Variants in IL1RAPL2 observed in about 807,000 individuals in gnomAD.
IL1RAPL2 encodes the protein X-linked interleukin-1 receptor accessory protein-like 2.
Under a neutral mutation model 44.1 loss-of-function variants are expected in IL1RAPL2, and 3 were observed. That is an observed-to-expected ratio of 0.07 (90% CI 0.03 to 0.18). IL1RAPL2 has a LOEUF of 0.18. Ranked by LOEUF, IL1RAPL2 falls within the 10% of genes least tolerant of loss-of-function variation. The probability of loss-of-function intolerance (pLI) is 1.00; values close to 1 mark genes in which losing one functional copy is unlikely to be tolerated. For missense variants in IL1RAPL2, 391 were observed against 496.4 expected (o/e 0.79, Z 2.02); for synonymous variants, 181 against 178.8 (o/e 1.01, Z -0.10).
chrX:105,407,715 A>C (rs1176320692), intron 5 of IL1RAPL2, among the ~76,000 whole-genome samples: 2 of 111,865 alleles, frequency 1.8e-5, no homozygotes, highest in Non-Finnish European at 3.8e-5. Context: ...AAAGAAAGAC[A>C]TCGTTGTACT....
At chrX:105,094,458 T>C (rs1393372454) in intron 2 of IL1RAPL2, among the ~76,000 whole-genome samples, 4 of 111,336 alleles carry the variant, frequency 3.6e-5, no homozygotes, top group Non-Finnish European at 7.5e-5. Flanking sequence ...CCTTGAGTAA[T>C]AGTGGCACCA....
intron 4 of IL1RAPL2, among the ~76,000 whole-genome samples, chrX:105,252,057 T>C (rs1603032925): frequency 9.0e-6 from 1 of 111,437 alleles, no homozygotes; most frequent in Middle Eastern, 4.6e-3. Context: ...GTTCTGTCAC[T>C]CCAAGTTCTT....
intron 5 of IL1RAPL2, among the ~76,000 whole-genome samples, chrX:105,302,469 G>A (rs1603054260): frequency 8.9e-6 from 1 of 111,844 alleles, no homozygotes; most frequent in East Asian, 2.8e-4. Context: ...GATGAATCCT[G>A]CCAGGACTTG....
At chrX:105,240,281 G>C (rs7876696) in intron 4 of IL1RAPL2, among the ~76,000 whole-genome samples, 8,693 of 112,300 alleles carry the variant, frequency 0.077, 885 homozygotes, top group African/African-American at 0.27. Context: ...CAATTTAGGT[G>C]CGTAGCACTG....
At chrX:104,645,387 A>G (rs772484067) in intron 1 of IL1RAPL2, among the ~76,000 whole-genome samples, 3 of 111,619 alleles carry the variant, frequency 2.7e-5, no homozygotes, top group South Asian at 7.5e-4. Context: ...AACTGTCTCT[A>G]TTCCTCCTAT....
chrX:105,086,202 A>C (rs370396710), intron 2 of IL1RAPL2, among the ~76,000 whole-genome samples: 42 of 111,902 alleles, frequency 3.8e-4, no homozygotes, highest in African/African-American at 1.2e-3. Flanking sequence ...TATGGAATCA[A>C]CCCAAGTATT....
At chrX:104,901,337 A>C (rs1457032188) in intron 2 of IL1RAPL2, among the ~76,000 whole-genome samples, 1 of 104,771 alleles carries the variant, frequency 9.5e-6, no homozygotes, top group Admixed American at 1.1e-4. Flanking sequence ...CAGCCTCGCG[A>C]GTAGCTGGGA....
intron 2 of IL1RAPL2, among the ~76,000 whole-genome samples, chrX:105,101,235 C>T (rs981725949): frequency 1.5e-4 from 17 of 111,824 alleles, no homozygotes; most frequent in African/African-American, 4.9e-4. Context: ...TTTTAAATTT[C>T]GATAGAGTTT....
At chrX:104,832,119 A>G (rs1215540151) in intron 2 of IL1RAPL2, among the ~76,000 whole-genome samples, 2 of 111,232 alleles carry the variant, frequency 1.8e-5, no homozygotes, top group Non-Finnish European at 3.8e-5. Context: ...CAGCTTTTAT[A>G]CTCTTGGATA....
chrX:105,241,509 T>G (rs930139810), intron 4 of IL1RAPL2, among the ~76,000 whole-genome samples: 44 of 111,809 alleles, frequency 3.9e-4, no homozygotes, highest in African/African-American at 1.3e-3. Flanking sequence ...CATCCTTGCA[T>G]TAGTATACTG....
At chrX:104,844,505 T>C (rs933272877) in intron 2 of IL1RAPL2, among the ~76,000 whole-genome samples, 2 of 111,010 alleles carry the variant, frequency 1.8e-5, no homozygotes, top group Non-Finnish European at 3.8e-5. Flanking sequence ...TTTACAGGGT[T>C]ATCCAATTTT....
At chrX:104,833,133 G>GTTGT (rs933657247) in intron 2 of IL1RAPL2, among the ~76,000 whole-genome samples, 9 of 111,139 alleles carry the variant, frequency 8.1e-5, no homozygotes, top group African/African-American at 1.6e-4. Context: ...CAGTGTAAGT[G>GTTGT]TTGTTTGTTT....
intron 1 of IL1RAPL2, among the ~76,000 whole-genome samples, chrX:104,657,047 C>A (rs371745987): frequency 1.1e-4 from 12 of 110,857 alleles, no homozygotes; most frequent in African/African-American, 3.3e-4. Flanking sequence ...TCCTCCATCC[C>A]TTTATTTTGA....
At position 105,573,535 on chromosome X, in the gene IL1RAPL2, A is replaced by G. The variant is rs184211003; in HGVS notation, c.772+89148A>G. On this transcript the variant is annotated intron_variant, in intron 6 of 10. Transcript: ENST00000372582. ...GTTGAAGGAAACTCATGCGAATGTT[A>G]CCAAGAAAGAAGAAGCAATGTGATT... is the stretch of plus-strand genomic sequence containing the variant. 1.1e-3 allele frequency among the ~76,000 whole-genome samples: 118 copies of G among 111,670 alleles called. 1 individual carries two copies. Among genetic ancestry groups the G allele is most frequent in the African/African-American group, 3.6e-3 (111 of 30,756 alleles).
intron 5 of IL1RAPL2, among the ~76,000 whole-genome samples, chrX:105,314,564 CCTT>C (rs2034822481): frequency 1.8e-5 from 2 of 111,459 alleles, no homozygotes; most frequent in Admixed American, 1.9e-4. Flanking sequence ...TCCATTTTTT[CCTT>C]CTATTATGTT....
chrX:105,144,093 G>A (rs1407879207), intron 2 of IL1RAPL2, among the ~76,000 whole-genome samples: 1 of 80,746 alleles, frequency 1.2e-5, no homozygotes, highest in Non-Finnish European at 2.2e-5. Flanking sequence ...TTCAACAGAT[G>A]GGTGTGTGTG....
intron 5 of IL1RAPL2, among the ~76,000 whole-genome samples, chrX:105,352,235 C>A (rs73519395): frequency 1.8e-5 from 2 of 111,604 alleles, no homozygotes; most frequent in Admixed American, 9.5e-5. Context: ...TAGCTGCCAC[C>A]CCGAACTTTT....
intron 2 of IL1RAPL2, among the ~76,000 whole-genome samples, chrX:104,717,009 A>G (rs1407174617): frequency 8.9e-6 from 1 of 112,046 alleles, no homozygotes; most frequent in Non-Finnish European, 1.9e-5. Context: ...TAGCAAAGAC[A>G]TGGAATCAAC....
intron 6 of IL1RAPL2, among the ~76,000 whole-genome samples, chrX:105,670,521 G>A (rs2037814778): frequency 9.5e-6 from 1 of 105,524 alleles, no homozygotes; most frequent in Non-Finnish European, 1.9e-5. Flanking sequence ...GGATGGTCTC[G>A]ATCTCCTGAT....
Sources: gnomAD v4.1 joint callset for allele counts (sites outside exome capture counted in the v4.1 genomes callset) on GRCh38, gnomAD v4.1.1 for gene constraint, MANE v1.5 for transcripts, NCBI Gene and HGNC (gene_info 2026-07-23, HGNC 2026-07-21) for gene names.